TUB: variants seen among roughly 807,000 people sequenced by gnomAD.
TUB encodes the protein TUB bipartite transcription factor, also known as tubby protein homolog.
A neutral mutation model predicts 59.7 loss-of-function variants in TUB; 33 were observed. The ratio of observed to expected loss-of-function variants is 0.55; its 90% CI spans 0.42 to 0.74. TUB has a LOEUF of 0.74. Ranked by LOEUF, TUB falls within the 30% of genes least tolerant of loss-of-function variation. The pLI is 0.00. For missense variants in TUB, 659 were observed against 672.0 expected (o/e 0.98, Z 0.21); for synonymous variants, 293 against 256.4 (o/e 1.14, Z -1.36).
intron 1 of TUB, among the ~76,000 whole-genome samples, chr11:8,021,681 T>C (rs1474015021): frequency 6.6e-6 from 1 of 151,940 alleles, no homozygotes; most frequent in East Asian, 1.9e-4. Context: ...TTTGGGAGGC[T>C]GAGGCAAGCA....
rs1943730841 is a variant in TUB at position 8,089,516 on chromosome 11, G to A, written c.39-94G>A. 4.6e-6 allele frequency: 7 copies of A among 1,508,696 alleles called. No individual in the cohort carries two copies. The Admixed American group carries it at 1.0e-4, about 22-fold the overall frequency. The allele number at this position is 1,508,696 out of a possible 1,614,324, so 93.5% of individuals were successfully genotyped here. On this transcript the variant is annotated intron_variant, in intron 1 of 11. Transcript: ENST00000299506. Reference sequence around the variant, plus strand: ...AGTCCCAGCAGCCGTGATGGGATGGGTTTAACGGGCCCAGATATGCTGGGG... The same window carrying A: ...AGTCCCAGCAGCCGTGATGGGATGGATTTAACGGGCCCAGATATGCTGGGG...
intron 2 of TUB, among the ~76,000 whole-genome samples, chr11:8,055,319 C>T (rs1589936617): frequency 6.6e-6 from 1 of 152,164 alleles, no homozygotes; most frequent in Non-Finnish European, 1.5e-5. Context: ...TCTCTAAGGC[C>T]TCAGCCATTA....
intron 2 of TUB, among the ~76,000 whole-genome samples, chr11:8,071,855 T>C (rs548836091): frequency 6.6e-6 from 1 of 152,264 alleles, no homozygotes; most frequent in Admixed American, 6.5e-5. Context: ...CTGAAGTCCA[T>C]CTGAGGGCCA....
In TUB at chr11:8,090,313, G is replaced by T; in HGVS notation, c.253+82G>T. ...CTGCCCACCTAGGCAGGTGCGGACT[G>T]GTCCTGACGGGGGATGCCCAGGCTG... On this transcript the variant is annotated intron_variant, in intron 3 of 11. Coordinates refer to ENST00000299506, the MANE Select transcript of TUB (RefSeq NM_177972.3). 6 of 1,524,740 alleles carry T rather than the reference G, an allele frequency of 3.9e-6. No homozygotes were observed. The East Asian group carries it at 9.5e-5, about 24-fold the overall frequency. 94.5% of individuals were successfully genotyped at this position (1,524,740 alleles called of 1,614,324 possible).
Position 8,100,962 on chromosome 11 carries a change from C to T in TUB, c.1352C>T (p.Ser451Phe). ...TTCCATGGGCGCGTCACACAGGCCT[C>T]CGTGAAGAACTTCCAGATCATCCAT... ...LNFHGRVTQASVKNFQIIHGN... is the reference protein window; with the variant it reads ...LNFHGRVTQAFVKNFQIIHGN... Residue 451 changes from serine (S) to phenylalanine (F), a missense_variant, in exon 11 of 12, where the codon TCC becomes TTC. By Grantham distance (155) the Ser-to-Phe change is radical. Transcript: ENST00000299506. 1.9e-6 allele frequency: 3 copies of T among 1,614,170 alleles called. No individual in the cohort carries two copies. Among genetic ancestry groups the T allele is most frequent in the Non-Finnish European group, 2.5e-6 (3 of 1,180,030 alleles).
At chr11:8,033,320 G>A (rs144194605) in intron 1 of TUB, among the ~76,000 whole-genome samples, 3 of 152,342 alleles carry the variant, frequency 2.0e-5, no homozygotes, top group Non-Finnish European at 4.4e-5. Context: ...CCCGAAGACA[G>A]AGCTGCATTC....
chr11:8,028,472 C>T (rs1215482878), intron 1 of TUB, among the ~76,000 whole-genome samples: 1 of 152,098 alleles, frequency 6.6e-6, no homozygotes, highest in Non-Finnish European at 1.5e-5. Context: ...GTTGGTTATG[C>T]TTATAGTGTC....
intron 1 of TUB, chr11:8,039,483 A>T (rs928623212): frequency 3.6e-6 from 2 of 559,622 alleles, no homozygotes; most frequent in Non-Finnish European, 5.9e-6. Flanking sequence ...CACTCTATGG[A>T]AGTCCCTCTA....
intron 2 of TUB, among the ~76,000 whole-genome samples, chr11:8,045,196 C>G (rs138334975): frequency 2.4e-3 from 363 of 152,146 alleles, no homozygotes; most frequent in African/African-American, 7.9e-3. Flanking sequence ...AGGAGCCCAC[C>G]AAGAGTCACC....
At position 8,101,769 on chromosome 11, in the gene TUB, A is replaced by G. The variant is rs1357733485; in HGVS notation, c.*150A>G. The G allele has an allele frequency of 1.1e-5, 15 of 1,352,132 alleles. No individual in the cohort carries two copies. Among genetic ancestry groups the G allele is most frequent in the African/African-American group, 1.5e-5 (1 of 67,762 alleles). 83.8% of individuals were successfully genotyped at this position (1,352,132 alleles called of 1,614,324 possible). A position where few individuals can be genotyped will look rare whatever the true frequency, so the allele number is the denominator to read the frequency against. On this transcript the variant is annotated 3_prime_UTR_variant, in exon 12 of 12. Coordinates refer to ENST00000299506, the MANE Select transcript of TUB (RefSeq NM_177972.3). ...GGCTCCCTGGCCCAGCCAGCCAGGA[A>G]CTGGCTCCTTTGCCTCTGCTACTGA...
intron 2 of TUB, among the ~76,000 whole-genome samples, chr11:8,061,130 CTCTCTG>C: frequency 6.6e-6 from 1 of 152,256 alleles, no homozygotes; most frequent in Middle Eastern, 3.2e-3. Flanking sequence ...TTCCTTGATG[CTCTCTG>C]TCCATTGTCT....
At chr11:8,034,471 A>G (rs182836770), upstream of TUB, among the ~76,000 whole-genome samples, 78 of 152,214 alleles carry the variant, frequency 5.1e-4, no homozygotes, top group African/African-American at 1.6e-3. Context: ...CCTTTGCTGG[A>G]TCATCTACCT....
intron 2 of TUB, among the ~76,000 whole-genome samples, chr11:8,043,754 T>C (rs1352736321): frequency 1.3e-5 from 2 of 152,242 alleles, no homozygotes; most frequent in African/African-American, 4.8e-5. Context: ...TGTAATGATC[T>C]TGTATCCTGC....
At chr11:8,084,261 ATCT>A (rs1353965613) in intron 1 of TUB, among the ~76,000 whole-genome samples, 1 of 152,102 alleles carries the variant, frequency 6.6e-6, no homozygotes, top group Non-Finnish European at 1.5e-5. Context: ...GTTGGTGATA[ATCT>A]TCTTATGGGT....
chr11:8,102,069 T>TTTC lies in TUB; in HGVS notation c.*450_*451insTTC, dbSNP rs1387233850. On this transcript the variant is annotated 3_prime_UTR_variant, in exon 12 of 12. Transcript: ENST00000299506. ...GGTAGGGGCACAGTGAATGTGTGTA[T>TTTC]GTATGAAGGCCACATCAACTTTATG... The TTTC allele has an allele frequency of 2.4e-5, 4 of 165,630 alleles. No individual in the cohort carries two copies. Among genetic ancestry groups the TTTC allele is most frequent in the African/African-American group, 9.5e-5 (4 of 41,892 alleles). 10.3% of individuals were successfully genotyped at this position (165,630 alleles called of 1,614,324 possible). A position where few individuals can be genotyped will look rare whatever the true frequency, so the allele number is the denominator to read the frequency against.
chr11:8,049,560 G>GGT (rs1238475257), intron 2 of TUB, among the ~76,000 whole-genome samples: 5 of 21,420 alleles, frequency 2.3e-4, no homozygotes, highest in African/African-American at 5.7e-4. Flanking sequence ...GGTATTATGT[G>GGT]GTATATATAT....
At chr11:8,064,731 C>T (rs1943204327) in intron 2 of TUB, among the ~76,000 whole-genome samples, 1 of 152,168 alleles carries the variant, frequency 6.6e-6, no homozygotes, top group Admixed American at 6.5e-5. Context: ...AAACTAGGTG[C>T]CATGGCTGTT....
intron 2 of TUB, among the ~76,000 whole-genome samples, chr11:8,061,586 A>T (rs1245811759): frequency 1.3e-5 from 2 of 152,062 alleles, no homozygotes; most frequent in Non-Finnish European, 2.9e-5. Context: ...CAAGAGTAGG[A>T]CGAGGACAGT....
rs562757970 is a variant in TUB, at chr11:8,064,150, A to G, written c.203+24458A>G. On this transcript the variant is annotated intron_variant, in intron 2 of 12. Coordinates refer to the TUB transcript ENST00000305253. Reference sequence around the variant, plus strand: ...ATAGGCCAGAATGTACGTCAGGGCCATAGTTTCCAAAGCTCTGAGGCTGAA... The same window carrying G: ...ATAGGCCAGAATGTACGTCAGGGCCGTAGTTTCCAAAGCTCTGAGGCTGAA... Among the ~76,000 whole-genome samples the G allele has an allele frequency of 5.3e-5, 8 of 152,328 alleles. 1 individual carries two copies. The highest frequency in any genetic ancestry group is 1.9e-4 in the African/African-American group (8 of 41,566).
Sources: allele counts gnomAD v4.1 joint callset (sites outside exome capture counted in the v4.1 genomes callset), GRCh38; gene constraint gnomAD v4.1.1; transcripts MANE v1.5; gene names NCBI Gene and HGNC (gene_info 2026-07-23, HGNC 2026-07-21).